TBC1D2: variants seen among roughly 807,000 people sequenced by gnomAD.
The protein encoded by TBC1D2 is TBC1 domain family member 2A.
Under a neutral mutation model 91.1 loss-of-function variants are expected in TBC1D2, and 58 were observed. That is an observed-to-expected ratio of 0.64 (90% confidence interval 0.52 to 0.79). The LOEUF (loss-of-function observed/expected upper bound fraction) is 0.79, where lower values mean the gene tolerates loss of function less well. TBC1D2 is among the 30% of genes least tolerant of loss of function. The pLI, the probability that TBC1D2 is intolerant of heterozygous loss-of-function variation, is 0.00. For synonymous variants in TBC1D2, 482 were observed against 511.5 expected (o/e 0.94, Z 0.78); for missense variants, 1,080 against 1,208.3 (o/e 0.89, Z 1.57).
At chr9:98,199,999 C>T (rs889745371) in intron 12 of TBC1D2, among the ~76,000 whole-genome samples, 20 of 152,276 alleles carry the variant, frequency 1.3e-4, no homozygotes, top group African/African-American at 4.3e-4. Context: ...TTCTGTTTTC[C>T]AGGATCACTG....
intron 11 of TBC1D2, among the ~76,000 whole-genome samples, chr9:98,201,015 C>CA (rs561393645): frequency 0.022 from 2,419 of 110,756 alleles, 41 homozygotes; most frequent in African/African-American, 0.057. Context: ...GGCTCCATCT[C>CA]AAAAAAAAAA....
intron 3 of TBC1D2, among the ~76,000 whole-genome samples, chr9:98,240,510 T>C (rs1266051384): frequency 6.6e-6 from 1 of 152,210 alleles, no homozygotes; most frequent in East Asian, 1.9e-4. Flanking sequence ...CACTTTATGC[T>C]GGGTCCTGTG....
chr9:98,206,159 T>C (rs1418989366), intron 9 of TBC1D2, among the ~76,000 whole-genome samples: 3 of 151,358 alleles, frequency 2.0e-5, no homozygotes, highest in South Asian at 2.1e-4. Flanking sequence ...GGTTTCACCA[T>C]GTTGGCCAGG....
intron 3 of TBC1D2, chr9:98,235,499 TGCAAAGAAAAG>T: frequency 2.2e-6 from 1 of 448,652 alleles, no homozygotes; most frequent in Admixed American, 2.7e-5. Flanking sequence ...TTCAATTTTT[TGCAAAGAAAAG>T]GATAATGTAG....
At chr9:98,200,498 T>C in intron 11 of TBC1D2, 124 bp from the exon 12 acceptor site, 1 of 562,366 alleles carries the variant, frequency 1.8e-6, no homozygotes, top group Non-Finnish European at 2.6e-6. Context: ...AGTTGAGGCC[T>C]GGAGGCACAA....
At chr9:98,232,332 C>CTT (rs1457378153) in intron 4 of TBC1D2, among the ~76,000 whole-genome samples, 96 of 68,450 alleles carry the variant, frequency 1.4e-3, no homozygotes, top group African/African-American at 0.01. Context: ...TTTCTTCTTT[C>CTT]TCTTTTTCTG....
intron 2 of TBC1D2, among the ~76,000 whole-genome samples, chr9:98,246,190 G>A (rs990152669): frequency 2.6e-5 from 4 of 152,176 alleles, no homozygotes; most frequent in African/African-American, 9.7e-5. Context: ...GACAGCCCCT[G>A]AGACCTACCA....
chr9:98,243,994 T>C lies in TBC1D2; in HGVS notation c.647A>G (p.Gln216Arg), dbSNP rs1485206961. 1 of 1,602,608 alleles carries C rather than the reference T, an allele frequency of 6.2e-7. No homozygotes were observed. Among genetic ancestry groups the C allele is most frequent in the Non-Finnish European group, 8.5e-7 (1 of 1,174,840 alleles). The change falls in exon 3 of 13, where the codon CAG becomes CGG. Residue 216 changes from glutamine (Q) to arginine (R), a missense_variant and splice_region_variant. Coordinates refer to ENST00000465784, the MANE Select transcript of TBC1D2 (RefSeq NM_001267571.2). The part of the protein sequence containing the change: ...ISLKHLGTEI[Q>R]NTMHNIRGNK... ...GCCCCTCAGCTCCACTGGCACTTAC[T>C]GTATTTCAGTCCCCAGGTGCTTGAG...
intron 11 of TBC1D2, 65 bp downstream of exon 11, chr9:98,201,414 C>A: frequency 6.8e-7 from 1 of 1,471,618 alleles, no homozygotes; most frequent in South Asian, 1.2e-5. Context: ...GGGGCAGAGT[C>A]AAGACGCAGA....
intron 5 of TBC1D2, among the ~76,000 whole-genome samples, chr9:98,222,409 C>T (rs752776896): frequency 1.3e-5 from 2 of 152,194 alleles, no homozygotes; most frequent in Non-Finnish European, 2.9e-5. Flanking sequence ...CCATTTGTGC[C>T]TAGTTACCTT....
At chr9:98,226,526 A>T (rs1289269364) in intron 5 of TBC1D2, among the ~76,000 whole-genome samples, 4 of 151,346 alleles carry the variant, frequency 2.6e-5, no homozygotes, top group Admixed American at 2.0e-4. Flanking sequence ...TGAGGCTTAG[A>T]TAGGTTAAGA....
intron 3 of TBC1D2, 147 bp from the exon 4 acceptor site, chr9:98,233,696 A>AGGG: frequency 8.9e-7 from 1 of 1,121,746 alleles, no homozygotes; most frequent in South Asian, 1.6e-5. Flanking sequence ...ACCCTACATG[A>AGGG]TGCCTCCCCA....
At chr9:98,219,153 A>G (rs1564243103) in intron 6 of TBC1D2, among the ~76,000 whole-genome samples, 1 of 152,258 alleles carries the variant, frequency 6.6e-6, no homozygotes, top group Non-Finnish European at 1.5e-5. Context: ...GAAGGGAATC[A>G]GGTTTCACGT....
Position 98,255,483 on chromosome 9 carries a change from T to C in TBC1D2, c.59A>G (p.Glu20Gly). 6.4e-7 allele frequency: 1 copy of C among 1,573,598 alleles called. No individual in the cohort carries two copies. The highest frequency in any genetic ancestry group is 2.2e-5 in the East Asian group (1 of 44,544). The change falls in exon 1 of 13, where the codon GAG (glutamate) becomes GGG (glycine). Residue 20 changes from glutamate to glycine, a missense_variant. Physicochemically the swap from Glu to Gly is moderately conservative, Grantham distance 98 (BLOSUM62 -2). Coordinates refer to ENST00000465784, the MANE Select transcript of TBC1D2 (RefSeq NM_001267571.2). The stretch of plus-strand genomic sequence containing the variant: ...CGGCACCTGTGGATCCCTGGCAGAC[T>C]CTTCGGACCCAGGGGCAGAGGAGCT... ...ESSSSAPGSE[E>G]SARDPQVPPP...
intron 3 of TBC1D2, among the ~76,000 whole-genome samples, chr9:98,240,166 G>GGT (rs60630078): frequency 0.077 from 10,611 of 137,906 alleles, 396 homozygotes; most frequent in Non-Finnish European, 0.094. Flanking sequence ...GTGTTTGTGT[G>GGT]GTGTGTGTGT....
chr9:98,253,877 G>GT (rs1206543263), intron 1 of TBC1D2, among the ~76,000 whole-genome samples: 1 of 152,168 alleles, frequency 6.6e-6, no homozygotes, highest in African/African-American at 2.4e-5. Flanking sequence ...AGAACCAGGG[G>GT]TGGGGGTGCA....
intron 4 of TBC1D2, 102 bp downstream of exon 4, chr9:98,233,314 C>A: frequency 6.8e-7 from 1 of 1,472,298 alleles, no homozygotes; most frequent in Non-Finnish European, 9.0e-7. Context: ...CTAAGACACA[C>A]ACAAAAGCAC....
At chr9:98,221,287 T>C in intron 5 of TBC1D2, 59 bp from the exon 6 acceptor site, 1 of 1,468,734 alleles carries the variant, frequency 6.8e-7, no homozygotes, top group Non-Finnish European at 9.0e-7. Flanking sequence ...GGCGCCACAG[T>C]GGGGTATATG....
At chr9:98,241,811 T>A (rs889485563) in intron 3 of TBC1D2, among the ~76,000 whole-genome samples, 1 of 152,154 alleles carries the variant, frequency 6.6e-6, no homozygotes, top group African/African-American at 2.4e-5. Flanking sequence ...CCACTCACCC[T>A]GGAGGGCTCA....
Sources: allele counts gnomAD v4.1 joint callset (sites outside exome capture counted in the v4.1 genomes callset), GRCh38; gene constraint gnomAD v4.1.1; transcripts MANE v1.5; gene names NCBI Gene and HGNC (gene_info 2026-07-23, HGNC 2026-07-21).